Variants in SDHAF4 observed in about 807,000 individuals in gnomAD.
SDHAF4 encodes succinate dehydrogenase complex assembly factor 4.
A neutral mutation model predicts 14.3 loss-of-function variants in SDHAF4; 14 were observed. The observed-to-expected ratio is 0.98, with a 90% CI of 0.65 to 1.53. The LOEUF is 1.53. SDHAF4 is among the 40% of genes most tolerant of loss of function. The pLI is 0.00. For missense variants in SDHAF4, 141 were observed against 129.3 expected, an observed-to-expected ratio of 1.09 and a Z score of -0.44; for synonymous variants, 63 against 47.3, an observed-to-expected ratio of 1.33 and a Z score of -1.36.
intron 2 of SDHAF4, 57 bp from the exon 3 acceptor site, chr6:70,588,558 A>C: frequency 1.3e-6 from 1 of 755,180 alleles, no homozygotes; most frequent in East Asian, 2.5e-5. Context: ...AATTAAATTG[A>C]CTATAAGGCC....
chr6:70,583,173 C>T (rs923991014), intron 2 of SDHAF4, among the ~76,000 whole-genome samples: 14 of 152,160 alleles, frequency 9.2e-5, no homozygotes, highest in African/African-American at 2.7e-4. Flanking sequence ...AGGACAATGG[C>T]GCAATTTCAG....
intron 1 of SDHAF4, among the ~76,000 whole-genome samples, chr6:70,570,108 T>G (rs909836327): frequency 3.3e-5 from 5 of 152,218 alleles, no homozygotes; most frequent in Middle Eastern, 3.2e-3. Flanking sequence ...ATTTGTCTAT[T>G]CCTGTGCTGA....
At chr6:70,574,828 T>C (rs554250053) in intron 1 of SDHAF4, among the ~76,000 whole-genome samples, 4 of 152,164 alleles carry the variant, frequency 2.6e-5, no homozygotes, top group Non-Finnish European at 5.9e-5. Context: ...CTGAGGAGGC[T>C]GAGGCAGGAA....
At chr6:70,583,313 A>T (rs1195870214) in intron 2 of SDHAF4, among the ~76,000 whole-genome samples, 1 of 152,156 alleles carries the variant, frequency 6.6e-6, no homozygotes, top group Non-Finnish European at 1.5e-5. Context: ...GGGTTTCACC[A>T]TGTTGGTCAG....
intron 1 of SDHAF4, among the ~76,000 whole-genome samples, chr6:70,572,678 T>G (rs1037675025): frequency 6.6e-6 from 1 of 152,098 alleles, no homozygotes; most frequent in Non-Finnish European, 1.5e-5. Context: ...AAATGGTGCA[T>G]CTCACATAAA....
At chr6:70,569,119 C>T (rs1226401475) in intron 1 of SDHAF4, among the ~76,000 whole-genome samples, 1 of 151,282 alleles carries the variant, frequency 6.6e-6, no homozygotes, top group African/African-American at 2.4e-5. Flanking sequence ...GCGCGCGCCA[C>T]CACGCCCGGC....
downstream of SDHAF4, among the ~76,000 whole-genome samples, chr6:70,590,089 C>T (rs1454873538): frequency 6.6e-6 from 1 of 151,962 alleles, no homozygotes; most frequent in East Asian, 1.9e-4. Flanking sequence ...AATACAAAAA[C>T]TAGCTGGGCG....
downstream of SDHAF4, among the ~76,000 whole-genome samples, chr6:70,591,215 A>G (rs1001147136): frequency 6.6e-6 from 1 of 152,274 alleles, no homozygotes; most frequent in South Asian, 2.1e-4. Context: ...AAATTAGCCA[A>G]CACAACATGT....
In SDHAF4 at chr6:70,572,210, G is replaced by A. The variant is rs141720976; in HGVS notation, c.64+5206G>A. On this transcript the variant is annotated intron_variant, in intron 1 of 2. Transcript: ENST00000370474. Reference sequence around the variant, plus strand: ...CAGCCTCATAGCTGGAATTACAGGCGTGCACCACCATGTCTGGCTAATTTT... The same window carrying A: ...CAGCCTCATAGCTGGAATTACAGGCATGCACCACCATGTCTGGCTAATTTT... Among the ~76,000 whole-genome samples, 482 of 151,676 alleles carry A rather than the reference G, an allele frequency of 3.2e-3. 3 individuals carry two copies. The highest frequency in any genetic ancestry group is 0.011 in the African/African-American group (454 of 41,352).
At chr6:70,584,213 C>T (rs1765172878) in intron 2 of SDHAF4, among the ~76,000 whole-genome samples, 1 of 152,156 alleles carries the variant, frequency 6.6e-6, no homozygotes, top group African/African-American at 2.4e-5. Flanking sequence ...GATGGGGTTT[C>T]ACCATGTTAG....
downstream of SDHAF4, among the ~76,000 whole-genome samples, chr6:70,592,577 C>T (rs1418552186): frequency 6.6e-6 from 1 of 152,246 alleles, no homozygotes. Context: ...CACCCTACTC[C>T]CAGCTACCAA....
At chr6:70,578,594 TTTG>T (rs111845670) in intron 1 of SDHAF4, among the ~76,000 whole-genome samples, 2 of 151,834 alleles carry the variant, frequency 1.3e-5, no homozygotes, top group Non-Finnish European at 2.9e-5. Context: ...CATTTGTCAA[TTTG>T]TTGTTGTTGT....
chr6:70,577,408 A>C (rs964559187), intron 1 of SDHAF4, among the ~76,000 whole-genome samples: 6 of 152,200 alleles, frequency 3.9e-5, no homozygotes, highest in Non-Finnish European at 8.8e-5. Context: ...CCTAACGCTG[A>C]GATCACTTTT....
rs70990317 is a variant in SDHAF4 at position 70,588,842 on chromosome 6, AAT to A, written c.*131_*132del. Reference sequence around the variant, plus strand: ...TCGTGTAGTTTGTATAATGTGTTTAAATATATATATATATGATGGCTTTGGAA... The same window carrying A: ...TCGTGTAGTTTGTATAATGTGTTTAAATATATATATATGATGGCTTTGGAA... On this transcript the variant is annotated 3_prime_UTR_variant, in exon 3 of 3. Coordinates refer to ENST00000370474, the MANE Select transcript of SDHAF4 (RefSeq NM_145267.3). 1.5e-3 allele frequency: 525 copies of A among 340,286 alleles called. No homozygotes were observed. The highest frequency in any genetic ancestry group is 2.9e-3 in the Middle Eastern group (3 of 1,018). 21.1% of individuals were successfully genotyped at this position (340,286 alleles called of 1,614,324 possible).
intron 1 of SDHAF4, among the ~76,000 whole-genome samples, chr6:70,575,678 A>T (rs550154153): frequency 6.6e-6 from 1 of 152,124 alleles, no homozygotes; most frequent in South Asian, 2.1e-4. Context: ...TACCAGAAAC[A>T]AAAGTTTTGA....
chr6:70,591,334 AT>A (rs76350573), downstream of SDHAF4, among the ~76,000 whole-genome samples: 1,305 of 100,942 alleles, frequency 0.013, 5 homozygotes, highest in African/African-American at 0.033. Context: ...GAGAGGAAAG[AT>A]TTTTTTTTTT....
downstream of SDHAF4, among the ~76,000 whole-genome samples, chr6:70,591,221 C>T (rs901097612): frequency 6.6e-6 from 1 of 151,798 alleles, no homozygotes; most frequent in Non-Finnish European, 1.5e-5. Flanking sequence ...GCCAACACAA[C>T]ATGTTAGCCA....
chr6:70,584,584 A>C (rs1765176352), intron 2 of SDHAF4, among the ~76,000 whole-genome samples: 1 of 152,210 alleles, frequency 6.6e-6, no homozygotes, highest in Non-Finnish European at 1.5e-5. Context: ...CACTGAGAGC[A>C]GGAACCAGGG....
intron 2 of SDHAF4, among the ~76,000 whole-genome samples, chr6:70,582,563 C>T (rs1182304592): frequency 6.6e-6 from 1 of 152,176 alleles, no homozygotes; most frequent in Non-Finnish European, 1.5e-5. Flanking sequence ...CTTCGGCCCT[C>T]CCACCTGCCT....
Sources: allele counts gnomAD v4.1 joint callset (sites outside exome capture counted in the v4.1 genomes callset), GRCh38; gene constraint gnomAD v4.1.1; transcripts MANE v1.5; gene names NCBI Gene and HGNC (gene_info 2026-07-23, HGNC 2026-07-21).